The following PJA2 variants were observed in gnomAD, a reference collection of about 807,000 sequenced individuals.
PJA2 encodes E3 ubiquitin-protein ligase Praja-2.
A neutral mutation model predicts 69.3 loss-of-function variants in PJA2; 25 were observed. The ratio of observed to expected loss-of-function variants is 0.36; its 90% CI spans 0.26 to 0.50. The LOEUF (loss-of-function observed/expected upper bound fraction) is 0.50, where lower values mean the gene tolerates loss of function less well. PJA2 is among the 20% of genes least tolerant of loss of function. The pLI, the probability that PJA2 is intolerant of heterozygous loss-of-function variation, is 0.96. For missense variants in PJA2, 809 were observed against 830.2 expected (o/e 0.97, Z 0.31); for synonymous variants, 308 against 277.8 (o/e 1.11, Z -1.08).
chr5:109,355,921 A>G lies in PJA2; in HGVS notation c.1758T>C (p.Ala586=), dbSNP rs376235629. 6.2e-7 allele frequency: 1 copy of G among 1,610,988 alleles called. No homozygotes were observed. Among genetic ancestry groups the G allele is most frequent in the Non-Finnish European group, 8.5e-7 (1 of 1,177,534 alleles). Residue 586 remains alanine (A), a synonymous_variant, in exon 7 of 10, where the codon GCT becomes GCC. Coordinates refer to ENST00000361189, the MANE Select transcript of PJA2 (RefSeq NM_014819.5). ...YMALEERLAQ[A]METALAHLES... is the part of the protein sequence containing the mutation. ...ATCAGAGTTATGAACATACCTCCAT[A>G]GCCTGGGCTAAGCGTTCTTCTAGTG...
Position 109,378,457 on chromosome 5 carries a change from G to C in PJA2, c.1030C>G (p.Gln344Glu), listed in dbSNP as rs767887988. 3.2e-5 allele frequency: 51 copies of C among 1,613,966 alleles called. No individual in the cohort carries two copies. The South Asian group carries it at 5.4e-4, about 17-fold the overall frequency. ...NRHEAKQRSV[Q>E]RWREALEVEE... ...ACTTCCAAAGCCTCTCTCCATCTTT[G>C]AACACTTCTTTGTTTCGCCTCATGC... Residue 344 changes from glutamine (Q) to glutamate (E), a missense_variant, in exon 4 of 10, where the codon CAA becomes GAA. Transcript: ENST00000361189.
At chr5:109,370,137 C>G (rs1025381053) in intron 4 of PJA2, among the ~76,000 whole-genome samples, 1 of 151,308 alleles carries the variant, frequency 6.6e-6, no homozygotes, top group Non-Finnish European at 1.5e-5. Context: ...AATTAGTCCT[C>G]TTATGCTACC....
chr5:109,368,067 C>A (rs1762615298), intron 5 of PJA2, among the ~76,000 whole-genome samples: 1 of 152,172 alleles, frequency 6.6e-6, no homozygotes, highest in African/African-American at 2.4e-5. Context: ...TGTTTGACAA[C>A]CCTTACAGTA....
rs1292031165 is a variant in PJA2, at chr5:109,336,238, T to C, written c.*993A>G. ...TCAAATCACATTTGTAAGTGAACTA[T>C]TATGTCCATGTTTGCACATACTCGT... On this transcript the variant is annotated 3_prime_UTR_variant, in exon 10 of 10. Coordinates refer to ENST00000361189, the MANE Select transcript of PJA2 (RefSeq NM_014819.5). 5 of 152,240 alleles carry C rather than the reference T, an allele frequency of 3.3e-5. No homozygotes were observed. The highest frequency in any genetic ancestry group is 4.8e-5 in the African/African-American group (2 of 41,448). The allele number at this position is 152,240 out of a possible 1,614,324, so 9.4% of individuals were successfully genotyped here.
intron 1 of PJA2, among the ~76,000 whole-genome samples, chr5:109,394,140 T>A (rs971878355): frequency 1.4e-5 from 2 of 143,138 alleles, no homozygotes; most frequent in African/African-American, 5.1e-5. Flanking sequence ...ATCCGCCTCC[T>A]GGGTTTAAGC....
chr5:109,361,437 G>A (rs1018386377), intron 6 of PJA2, among the ~76,000 whole-genome samples: 1 of 152,156 alleles, frequency 6.6e-6, no homozygotes, highest in Non-Finnish European at 1.5e-5. Context: ...TTAGAGTCTT[G>A]AAAATGTGTA....
intron 1 of PJA2, 49 bp downstream of exon 1, chr5:109,409,793 C>G (rs1747789119): frequency 6.4e-6 from 1 of 155,742 alleles, no homozygotes; most frequent in African/African-American, 2.4e-5. Context: ...CCCCCACACT[C>G]CCGACAGCGG....
chr5:109,408,483 A>C (rs1343517663), intron 1 of PJA2, among the ~76,000 whole-genome samples: 1 of 152,190 alleles, frequency 6.6e-6, no homozygotes. Flanking sequence ...ATATGTAATT[A>C]AGTCAATAAG....
intron 7 of PJA2, among the ~76,000 whole-genome samples, chr5:109,348,696 T>C (rs983029967): frequency 3.9e-5 from 6 of 152,150 alleles, no homozygotes; most frequent in African/African-American, 1.4e-4. Flanking sequence ...ACTGAAGATA[T>C]AAACAGTGTA....
chr5:109,352,100 C>T (rs959707278), intron 7 of PJA2, among the ~76,000 whole-genome samples: 3 of 152,066 alleles, frequency 2.0e-5, no homozygotes, highest in African/African-American at 7.2e-5. Flanking sequence ...TAAACACAGG[C>T]AGAAGTATAG....
rs1561345782 is a variant in PJA2, at chr5:109,354,124, G to GAGATATCTATAGATTAGATATCTATGA, written c.1764+1790_1764+1791insTCATAGATATCTAATCTATAGATATCT. On this transcript the variant is annotated intron_variant, in intron 7 of 9. Transcript: ENST00000361189. ...GATATCTATAGATTAGATATCTATG[G>GAGATATCTATAGATTAGATATCTATGA]TATCTAGAGCTGTCTATAGATTAGA... 1.1e-3 allele frequency among the ~76,000 whole-genome samples: 73 copies of GAGATATCTATAGATTAGATATCTATGA among 65,904 alleles called. 19 individuals are homozygous for GAGATATCTATAGATTAGATATCTATGA. Among genetic ancestry groups the GAGATATCTATAGATTAGATATCTATGA allele is most frequent in the Non-Finnish European group, 1.7e-3 (45 of 27,072 alleles). 43.2% of individuals were successfully genotyped at this position (65,904 alleles called of 152,430 possible). A position where few individuals can be genotyped will look rare whatever the true frequency, so the allele number is the denominator to read the frequency against.
chr5:109,348,158 T>G (rs984434822), intron 7 of PJA2, among the ~76,000 whole-genome samples: 1 of 152,198 alleles, frequency 6.6e-6, no homozygotes, highest in South Asian at 2.1e-4. Flanking sequence ...AAAGCCCAGA[T>G]AGCTCCTATA....
intron 7 of PJA2, among the ~76,000 whole-genome samples, chr5:109,354,971 C>A (rs886290503): frequency 1.4e-4 from 21 of 151,858 alleles, no homozygotes; most frequent in African/African-American, 2.2e-4. Context: ...CCACAAAAAA[C>A]CAAAACCAGG....
Position 109,337,162 on chromosome 5 carries a change from T to C in PJA2, c.*69A>G. 1 of 1,434,716 alleles carries C rather than the reference T, an allele frequency of 7.0e-7. No individual in the cohort carries two copies. 88.9% of individuals were successfully genotyped at this position (1,434,716 alleles called of 1,614,324 possible). On this transcript the variant is annotated 3_prime_UTR_variant, in exon 10 of 10. Coordinates refer to ENST00000361189, the MANE Select transcript of PJA2 (RefSeq NM_014819.5). ...TTAAATATATTTATATATAATTATT[T>C]GCACATGAAATTTAGAAGGAATTTG... is the stretch of plus-strand genomic sequence containing the variant.
chr5:109,404,709 G>A (rs763800130), intron 1 of PJA2, among the ~76,000 whole-genome samples: 5 of 151,884 alleles, frequency 3.3e-5, no homozygotes, highest in African/African-American at 7.3e-5. Flanking sequence ...ATAAGCACAC[G>A]AATCCATTAA....
intron 1 of PJA2, among the ~76,000 whole-genome samples, chr5:109,397,701 TC>T (rs111937827): frequency 0.038 from 5,716 of 151,986 alleles, 105 homozygotes; most frequent in Middle Eastern, 0.051. Flanking sequence ...GTTTTTTTTT[TC>T]TAGTAGAAAC....
chr5:109,399,105 G>C (rs1189184221), intron 1 of PJA2, among the ~76,000 whole-genome samples: 1 of 151,912 alleles, frequency 6.6e-6, no homozygotes, highest in South Asian at 2.1e-4. Flanking sequence ...CAGCTGCTTG[G>C]GAGGCTGAGG....
rs1347222031 is a variant in PJA2, at chr5:109,366,007, A to C, written c.1469+2554T>G. On this transcript the variant is annotated intron_variant, in intron 5 of 9. Transcript: ENST00000361189. ...CAACTCAAGCTTTTGAAAATGTACT[A>C]ATTTATTCCCATTTTTTATTCTTCT... Among the ~76,000 whole-genome samples the C allele has an allele frequency of 2.6e-5, 4 of 152,188 alleles. No homozygotes were observed. In the East Asian group the frequency reaches 7.7e-4, roughly 29 times the overall value.
intron 7 of PJA2, among the ~76,000 whole-genome samples, chr5:109,354,536 CTA>C (rs1762373295): frequency 5.4e-5 from 1 of 18,444 alleles, no homozygotes; most frequent in African/African-American, 3.0e-4. Context: ...TCTATAATAT[CTA>C]TAGATATCTA....
Sources: gnomAD v4.1 joint callset for allele counts (sites outside exome capture counted in the v4.1 genomes callset) on GRCh38, gnomAD v4.1.1 for gene constraint, MANE v1.5 for transcripts, NCBI Gene and HGNC (gene_info 2026-07-23, HGNC 2026-07-21) for gene names.